The following ELOVL6 variants were observed in gnomAD, a reference collection of about 807,000 sequenced individuals.
ELOVL6 encodes ELOVL fatty acid elongase 6, also known as very long chain fatty acid elongase 6.
Under a neutral mutation model 31.7 loss-of-function variants are expected in ELOVL6, and 8 were observed. That is an observed-to-expected ratio of 0.25 (90% CI 0.15 to 0.45). The LOEUF (loss-of-function observed/expected upper bound fraction) is 0.45, where lower values mean the gene tolerates loss of function less well. Among genes scored for constraint, ELOVL6 ranks in the 20% least tolerant of loss-of-function variants. ELOVL6 has a pLI of 1.00. For missense variants in ELOVL6, 126 were observed against 326.4 expected, an observed-to-expected ratio of 0.39 and a Z score of 4.73; for synonymous variants, 101 against 117.7, an observed-to-expected ratio of 0.86 and a Z score of 0.92.
intron 1 of ELOVL6, among the ~76,000 whole-genome samples, chr4:110,194,365 T>C (rs145119636): frequency 6.6e-6 from 1 of 152,342 alleles, no homozygotes; most frequent in East Asian, 1.9e-4. Context: ...CCAGATAATA[T>C]AACCAGACAG....
intron 3 of ELOVL6, among the ~76,000 whole-genome samples, chr4:110,053,915 G>A (rs1560798357): frequency 6.6e-6 from 1 of 151,696 alleles, no homozygotes; most frequent in Non-Finnish European, 1.5e-5. Flanking sequence ...CTCCAGCCTG[G>A]GCGACAGAGT....
chr4:110,062,616 T>A (rs1755179240), intron 2 of ELOVL6, among the ~76,000 whole-genome samples: 2 of 152,214 alleles, frequency 1.3e-5, no homozygotes, highest in South Asian at 4.1e-4. Context: ...TACATTAGCT[T>A]GAGAGGCAGC....
intron 3 of ELOVL6, among the ~76,000 whole-genome samples, chr4:110,054,777 G>A (rs908451200): frequency 3.9e-5 from 6 of 152,170 alleles, no homozygotes; most frequent in Non-Finnish European, 7.4e-5. Flanking sequence ...CTGTCTGGAG[G>A]TGAGGGTATA....
At chr4:110,084,314 A>T (rs1427943913) in intron 2 of ELOVL6, among the ~76,000 whole-genome samples, 7 of 46,720 alleles carry the variant, frequency 1.5e-4, no homozygotes, top group Admixed American at 1.5e-3. Flanking sequence ...AACATATAAC[A>T]TATATAAATT....
intron 1 of ELOVL6, among the ~76,000 whole-genome samples, chr4:110,152,383 T>C (rs1758302119): frequency 6.6e-6 from 1 of 152,232 alleles, no homozygotes; most frequent in Non-Finnish European, 1.5e-5. Flanking sequence ...TGTCATCCTA[T>C]TAGAATTATA....
At chr4:110,164,096 A>C (rs1169956757) in intron 1 of ELOVL6, among the ~76,000 whole-genome samples, 1 of 152,212 alleles carries the variant, frequency 6.6e-6, no homozygotes, top group Non-Finnish European at 1.5e-5. Context: ...AGAGCCTAGA[A>C]AGTGCTGGAC....
chr4:110,084,065 A>G (rs796394332), intron 2 of ELOVL6, among the ~76,000 whole-genome samples: 3 of 37,610 alleles, frequency 8.0e-5, no homozygotes, highest in African/African-American at 4.2e-4. Flanking sequence ...ATGATATATA[A>G]CATATATATG....
intron 2 of ELOVL6, among the ~76,000 whole-genome samples, chr4:110,085,645 C>T (rs1176415730): frequency 6.6e-6 from 1 of 152,166 alleles, no homozygotes; most frequent in African/African-American, 2.4e-5. Flanking sequence ...TATAAGCCTC[C>T]TAATACTATA....
At chr4:110,127,644 T>C (rs1216413429) in intron 1 of ELOVL6, among the ~76,000 whole-genome samples, 2 of 152,102 alleles carry the variant, frequency 1.3e-5, no homozygotes, top group Non-Finnish European at 2.9e-5. Context: ...AGAGATCAAA[T>C]ATATTTATTT....
chr4:110,153,486 AG>A (rs1323245240), intron 1 of ELOVL6, among the ~76,000 whole-genome samples: 1 of 152,186 alleles, frequency 6.6e-6, no homozygotes, highest in East Asian at 1.9e-4. Context: ...AAATTGCCAC[AG>A]TTACAGATGA....
At chr4:110,153,001 C>G (rs1267539086) in intron 1 of ELOVL6, among the ~76,000 whole-genome samples, 1 of 152,112 alleles carries the variant, frequency 6.6e-6, no homozygotes, top group Non-Finnish European at 1.5e-5. Flanking sequence ...TATTGAAGAG[C>G]AGGAATGACA....
rs188708751 is a variant in ELOVL6 at position 110,118,822 on chromosome 4, T to A, written c.90-13194A>T. On this transcript the variant is annotated intron_variant, in intron 1 of 3. Coordinates refer to ENST00000302274, the MANE Select transcript of ELOVL6 (RefSeq NM_024090.3). ...TGGCTCATGTCTGTAACCCCAACACTTTGAAAGGATGTGGTGGGCAGATTG... is the reference window on the plus strand; with the variant it reads ...TGGCTCATGTCTGTAACCCCAACACATTGAAAGGATGTGGTGGGCAGATTG... Among the ~76,000 whole-genome samples, 53 of 152,262 alleles carry A rather than the reference T, an allele frequency of 3.5e-4. 1 individual carries two copies. In the East Asian group the frequency reaches 9.5e-3, roughly 27 times the overall value.
intron 1 of ELOVL6, among the ~76,000 whole-genome samples, chr4:110,189,892 G>A (rs190804285): frequency 3.6e-4 from 54 of 151,668 alleles, no homozygotes; most frequent in African/African-American, 1.2e-3. Flanking sequence ...GTGTGAACCC[G>A]GGAGGCAGAG....
intron 1 of ELOVL6, among the ~76,000 whole-genome samples, chr4:110,118,610 C>G (rs1757255006): frequency 6.6e-6 from 1 of 152,104 alleles, no homozygotes; most frequent in Non-Finnish European, 1.5e-5. Flanking sequence ...AATAAAATTC[C>G]ATTATATCAC....
intron 1 of ELOVL6, among the ~76,000 whole-genome samples, chr4:110,108,955 A>T (rs1756958028): frequency 6.6e-6 from 1 of 152,234 alleles, no homozygotes; most frequent in Admixed American, 6.5e-5. Flanking sequence ...TTTATGGTTG[A>T]ATGTACTATT....
chr4:110,183,797 C>T (rs1256929853), intron 1 of ELOVL6, among the ~76,000 whole-genome samples: 6 of 152,064 alleles, frequency 3.9e-5, no homozygotes, highest in Non-Finnish European at 7.4e-5. Flanking sequence ...GCCTGGGCAA[C>T]GTGGGGAAAT....
At chr4:110,130,609 T>C (rs1333607744) in intron 1 of ELOVL6, among the ~76,000 whole-genome samples, 4 of 152,228 alleles carry the variant, frequency 2.6e-5, no homozygotes, top group African/African-American at 9.6e-5. Context: ...CAACGTTCTG[T>C]GAACAATTTT....
intron 2 of ELOVL6, among the ~76,000 whole-genome samples, chr4:110,072,244 G>A (rs747871963): frequency 7.9e-5 from 12 of 152,206 alleles, no homozygotes; most frequent in Non-Finnish European, 1.5e-4. Flanking sequence ...TTGGGAGGCC[G>A]AGGCGTGTGG....
At chr4:110,178,745 T>C (rs1759189355) in intron 1 of ELOVL6, among the ~76,000 whole-genome samples, 1 of 151,350 alleles carries the variant, frequency 6.6e-6, no homozygotes, top group Non-Finnish European at 1.5e-5. Context: ...TCTCAGCTAC[T>C]TGGGAGCCTG....
Sources: gnomAD v4.1 joint callset for allele counts (sites outside exome capture counted in the v4.1 genomes callset) on GRCh38, gnomAD v4.1.1 for gene constraint, MANE v1.5 for transcripts, NCBI Gene and HGNC (gene_info 2026-07-23, HGNC 2026-07-21) for gene names.